Variants in NTRK3 observed in about 807,000 individuals in gnomAD.
NTRK3 encodes neurotrophic receptor tyrosine kinase 3, also known as NT-3 growth factor receptor.
In NTRK3, 24 loss-of-function variants were observed where a neutral mutation model predicts 91.7. That is an observed-to-expected ratio of 0.26 (90% CI 0.19 to 0.37). The LOEUF is 0.37. Ranked by LOEUF, NTRK3 falls within the 10% of genes least tolerant of loss-of-function variation. The pLI is 1.00. For synonymous variants in NTRK3, 483 were observed against 404.0 expected (o/e 1.20, Z -2.34); for missense variants, 880 against 1,068.9 (o/e 0.82, Z 2.46).
At chr15:88,082,748 A>C (rs1718701467) in intron 13 of NTRK3, among the ~76,000 whole-genome samples, 1 of 152,216 alleles carries the variant, frequency 6.6e-6, no homozygotes. Flanking sequence ...GTGTGTTCCC[A>C]AGAGACCTAC....
chr15:87,882,094 C>T (rs986613718), intron 17 of NTRK3, among the ~76,000 whole-genome samples: 14 of 152,048 alleles, frequency 9.2e-5, no homozygotes, highest in African/African-American at 3.1e-4. Flanking sequence ...CGGGGTTTCA[C>T]CGCATTGGTC....
chr15:88,068,826 C>T (rs886184669), intron 13 of NTRK3, among the ~76,000 whole-genome samples: 3 of 151,904 alleles, frequency 2.0e-5, no homozygotes, highest in African/African-American at 7.3e-5. Context: ...CATTTACTGG[C>T]TAACAATGGG....
At chr15:87,916,848 G>A (rs2067483628) in intron 17 of NTRK3, among the ~76,000 whole-genome samples, 1 of 148,972 alleles carries the variant, frequency 6.7e-6, no homozygotes, top group Admixed American at 6.7e-5. Flanking sequence ...TGCAACCTCT[G>A]CCTTCTGGGT....
At chr15:87,917,430 A>C (rs2067522769) in intron 17 of NTRK3, among the ~76,000 whole-genome samples, 1 of 152,166 alleles carries the variant, frequency 6.6e-6, no homozygotes, top group Admixed American at 6.5e-5. Context: ...ATGACATTTA[A>C]GGCTCCTTCC....
intron 13 of NTRK3, among the ~76,000 whole-genome samples, chr15:88,055,468 C>T (rs1278148501): frequency 6.6e-6 from 1 of 152,190 alleles, no homozygotes; most frequent in Non-Finnish European, 1.5e-5. Flanking sequence ...GAAATATATT[C>T]ATTCAATGAC....
At chr15:88,017,207 G>A (rs1165107847) in intron 14 of NTRK3, among the ~76,000 whole-genome samples, 2 of 152,162 alleles carry the variant, frequency 1.3e-5, no homozygotes, top group Non-Finnish European at 2.9e-5. Flanking sequence ...CTCCCTCACA[G>A]AGGGGCCTTC....
At chr15:88,057,062 G>A (rs1038769316) in intron 13 of NTRK3, among the ~76,000 whole-genome samples, 1 of 149,974 alleles carries the variant, frequency 6.7e-6, no homozygotes, top group African/African-American at 2.5e-5. Context: ...CCAGCTACAC[G>A]GGAGGCTGAG....
At chr15:88,131,143 C>A (rs1450680871) in intron 10 of NTRK3, among the ~76,000 whole-genome samples, 1 of 152,244 alleles carries the variant, frequency 6.6e-6, no homozygotes, top group East Asian at 1.9e-4. Context: ...TTTTGCATTT[C>A]TAACAAGTTT....
chr15:88,044,546 C>G (rs2079980585), intron 13 of NTRK3, among the ~76,000 whole-genome samples: 1 of 151,624 alleles, frequency 6.6e-6, no homozygotes, highest in Non-Finnish European at 1.5e-5. Flanking sequence ...CAGGAGTGAG[C>G]CACCACGCCT....
At chr15:88,138,767 T>C (rs2042112071) in intron 6 of NTRK3, among the ~76,000 whole-genome samples, 1 of 152,228 alleles carries the variant, frequency 6.6e-6, no homozygotes. Flanking sequence ...ACTACTGGCA[T>C]CACTTTAAAT....
chr15:87,954,023 TGTG>T (rs2071414608), intron 14 of NTRK3, among the ~76,000 whole-genome samples: 1 of 137,184 alleles, frequency 7.3e-6, no homozygotes, highest in Non-Finnish European at 1.5e-5. Flanking sequence ...TGTGTGTGTG[TGTG>T]TGTGTGTGTG....
intron 14 of NTRK3, among the ~76,000 whole-genome samples, chr15:88,025,543 T>C (rs986637751): frequency 6.6e-6 from 1 of 152,206 alleles, no homozygotes; most frequent in Non-Finnish European, 1.5e-5. Flanking sequence ...GGCAGTCTTA[T>C]GAAGACAGAG....
chr15:88,018,876 T>C, intron 14 of NTRK3, among the ~76,000 whole-genome samples: 1 of 152,134 alleles, frequency 6.6e-6, no homozygotes, highest in Non-Finnish European at 1.5e-5. Context: ...CCTTGGTAAG[T>C]ATTCAGTAAA....
chr15:87,883,397 ATG>A (rs558768640), intron 17 of NTRK3, among the ~76,000 whole-genome samples: 91 of 148,604 alleles, frequency 6.1e-4, no homozygotes, highest in African/African-American at 2.0e-3. Flanking sequence ...ATATATGTAT[ATG>A]TGTGTGTATA....
intron 14 of NTRK3, among the ~76,000 whole-genome samples, chr15:87,983,130 T>C (rs1190558136): frequency 6.6e-6 from 1 of 152,234 alleles, no homozygotes; most frequent in African/African-American, 2.4e-5. Context: ...CCTCTTCAAA[T>C]GTATTCATTC....
chr15:88,243,132 T>C lies in NTRK3; in HGVS notation c.248+12774A>G, dbSNP rs2052519545. Among the ~76,000 whole-genome samples, 1 of 152,188 alleles carries C rather than the reference T, an allele frequency of 6.6e-6. No individual in the cohort carries two copies. The highest frequency in any genetic ancestry group is 2.4e-5 in the African/African-American group (1 of 41,456). On this transcript the variant is annotated intron_variant, in intron 3 of 18. Coordinates refer to ENST00000394480, the Ensembl canonical transcript of NTRK3. This position sits in a 1 kb window ranked among gnomAD's most constrained non-coding sequence, Gnocchi z 4.8. Reference sequence around the variant, plus strand: ...AACTCCTCTTCCATTTCTTTCTTGCTCCTGAGTGCCTCAAAGACAAGGTTT... The same window carrying C: ...AACTCCTCTTCCATTTCTTTCTTGCCCCTGAGTGCCTCAAAGACAAGGTTT...
Position 87,874,033 on chromosome 15 carries a change from T to C in NTRK3, c.*2902A>G, listed in dbSNP as rs1031337951. ...CTAGAAGGGGCCAGAGATTAGCAGG[T>C]GTACCCCTTATTCTGCAGATGGGGA... is the stretch of plus-strand genomic sequence containing the variant. On this transcript the variant is annotated 3_prime_UTR_variant, in exon 19 of 19. Coordinates refer to ENST00000394480, the Ensembl canonical transcript of NTRK3. 4.4e-5 allele frequency: 10 copies of C among 228,182 alleles called. No individual in the cohort carries two copies. The South Asian group carries it at 1.1e-3, about 25-fold the overall frequency. The allele number at this position is 228,182 out of a possible 1,614,324, so 14.1% of individuals were successfully genotyped here.
intron 13 of NTRK3, among the ~76,000 whole-genome samples, chr15:88,073,213 T>C (rs934081479): frequency 1.3e-5 from 2 of 152,172 alleles, no homozygotes; most frequent in Non-Finnish European, 2.9e-5. Context: ...TCTCCCACAA[T>C]TGGAAGAGAA....
intron 13 of NTRK3, among the ~76,000 whole-genome samples, chr15:88,119,632 C>G (rs1213094720): frequency 6.6e-6 from 1 of 152,060 alleles, no homozygotes; most frequent in Non-Finnish European, 1.5e-5. Flanking sequence ...TGGCAAGGGC[C>G]AAAGGTACCC....
Sources: allele counts gnomAD v4.1 joint callset (sites outside exome capture counted in the v4.1 genomes callset), GRCh38; gene constraint gnomAD v4.1.1; non-coding constraint Gnocchi (gnomAD v3.1); transcripts MANE v1.5; gene names NCBI Gene and HGNC (gene_info 2026-07-23, HGNC 2026-07-21).